Variants in ZFPM2 observed in about 807,000 individuals in gnomAD.
ZFPM2 encodes zinc finger protein, FOG family member 2, also known as zinc finger protein ZFPM2.
ZFPM2 carries 20 observed loss-of-function variants against 98.6 expected under a neutral mutation model. That is an observed-to-expected ratio of 0.20 (90% confidence interval 0.14 to 0.29). ZFPM2 has a LOEUF of 0.29. ZFPM2 is among the 10% of genes least tolerant of loss of function. The pLI is 1.00. For synonymous variants in ZFPM2, 518 were observed against 502.7 expected (o/e 1.03, Z -0.41); for missense variants, 1,310 against 1,388.6 (o/e 0.94, Z 0.90).
chr8:105,555,386 GAAGGTTGAAC>G (rs1814962750), intron 3 of ZFPM2, among the ~76,000 whole-genome samples: 1 of 151,940 alleles, frequency 6.6e-6, no homozygotes, highest in South Asian at 2.1e-4. Context: ...GCATTACATA[GAAGGTTGAAC>G]AAGTGAAATG....
chr8:105,774,896 A>AG (rs1239101705), intron 5 of ZFPM2, among the ~76,000 whole-genome samples: 1 of 151,962 alleles, frequency 6.6e-6, no homozygotes, highest in African/African-American at 2.4e-5. Flanking sequence ...TAAGTGCTTG[A>AG]GGGGGACGCG....
At chr8:105,635,334 A>G (rs1816825643) in intron 5 of ZFPM2, among the ~76,000 whole-genome samples, 1 of 152,136 alleles carries the variant, frequency 6.6e-6, no homozygotes, top group Admixed American at 6.6e-5. Context: ...ACTCTTAAAA[A>G]CTTGCTAGAA....
chr8:105,620,239 T>C (rs1044603550), intron 4 of ZFPM2, among the ~76,000 whole-genome samples: 1 of 152,180 alleles, frequency 6.6e-6, no homozygotes, highest in Non-Finnish European at 1.5e-5. Context: ...TGCTGTGAGA[T>C]GGTATCTCAT....
Position 105,802,546 on chromosome 8 carries a change from TC to T in ZFPM2, c.2466del (p.Cys823AlafsTer2). The T allele has an allele frequency of 6.2e-7, 1 of 1,611,986 alleles. No individual in the cohort carries two copies. The highest frequency in any genetic ancestry group is 8.5e-7 in the Non-Finnish European group (1 of 1,178,962). On this transcript the variant is annotated frameshift_variant, in exon 8 of 8. Transcript: ENST00000407775. LOFTEE classifies it high-confidence loss of function. ...SKCDTTHSSV[S>X]CLEMDVPIDL... ...ATGTGATACTACTCATTCCAGTGTTTCCTGCCTAGAGATGGACGTGCCCATA... is the reference window on the plus strand; with the variant it reads ...ATGTGATACTACTCATTCCAGTGTTTCTGCCTAGAGATGGACGTGCCCATA...
At chr8:105,695,036 C>A (rs1457558419) in intron 5 of ZFPM2, among the ~76,000 whole-genome samples, 1 of 152,124 alleles carries the variant, frequency 6.6e-6, no homozygotes, top group Admixed American at 6.5e-5. Context: ...TAATGAGGAA[C>A]CATCCTCAGT....
chr8:105,426,317 G>T (rs975985316), intron 2 of ZFPM2, among the ~76,000 whole-genome samples: 1 of 152,176 alleles, frequency 6.6e-6, no homozygotes, highest in South Asian at 2.1e-4. Context: ...TTACCTTGCT[G>T]GAGGAACTGT....
intron 4 of ZFPM2, among the ~76,000 whole-genome samples, chr8:105,609,252 G>A (rs1816257675): frequency 6.6e-6 from 1 of 151,984 alleles, no homozygotes; most frequent in Non-Finnish European, 1.5e-5. Flanking sequence ...GAGCATGGAG[G>A]CAAGCCAGGA....
At chr8:105,709,904 C>T (rs1469591001) in intron 5 of ZFPM2, among the ~76,000 whole-genome samples, 2 of 152,136 alleles carry the variant, frequency 1.3e-5, no homozygotes, top group Non-Finnish European at 2.9e-5. Flanking sequence ...ACCTTGGCTA[C>T]ATCTAAGCAT....
chr8:105,638,041 C>G (rs893336658), intron 5 of ZFPM2, among the ~76,000 whole-genome samples: 1 of 151,820 alleles, frequency 6.6e-6, no homozygotes, highest in African/African-American at 2.4e-5. Flanking sequence ...TCAGGAACTG[C>G]TTGATTCAGT....
chr8:105,326,446 G>A (rs540167674), intron 1 of ZFPM2, among the ~76,000 whole-genome samples: 55 of 151,648 alleles, frequency 3.6e-4, no homozygotes, highest in Non-Finnish European at 3.5e-4. Context: ...TGTAGATTGG[G>A]GAACTCTATA....
At chr8:105,618,751 CT>C (rs1816470937) in intron 4 of ZFPM2, among the ~76,000 whole-genome samples, 1 of 152,030 alleles carries the variant, frequency 6.6e-6, no homozygotes, top group South Asian at 2.1e-4. Context: ...ACTTAAGTAA[CT>C]TGCCCAAGGC....
In ZFPM2 at chr8:105,407,954, T is replaced by C. The variant is rs186490234; in HGVS notation, c.41-11190T>C. On this transcript the variant is annotated intron_variant, in intron 1 of 7. Transcript: ENST00000407775. ...TGGCGCAGAGTTTATGATACAAGTA[T>C]TGGAGTACTGCGAGCTGCCAGAGGA... is the stretch of plus-strand genomic sequence containing the variant. Among the ~76,000 whole-genome samples, 260 of 152,004 alleles carry C rather than the reference T, an allele frequency of 1.7e-3. 2 individuals are homozygous for C. Among genetic ancestry groups the C allele is most frequent in the African/African-American group, 6.1e-3 (255 of 41,506 alleles).
chr8:105,755,075 T>C (rs747491682), intron 5 of ZFPM2, among the ~76,000 whole-genome samples: 27 of 152,094 alleles, frequency 1.8e-4, no homozygotes, highest in South Asian at 2.1e-4. Flanking sequence ...CAGGAAGTTA[T>C]TTAGTTGAAT....
intron 1 of ZFPM2, among the ~76,000 whole-genome samples, chr8:105,393,843 A>G (rs1253667823): frequency 1.3e-5 from 2 of 152,100 alleles, no homozygotes; most frequent in South Asian, 4.1e-4. Context: ...ACAATTTGGG[A>G]AGTTACCAAT....
intron 5 of ZFPM2, among the ~76,000 whole-genome samples, chr8:105,638,194 G>A (rs1417751126): frequency 2.0e-5 from 3 of 151,966 alleles, no homozygotes; most frequent in African/African-American, 7.2e-5. Context: ...GCTTTTCTGG[G>A]TTTTGTGATT....
chr8:105,384,544 A>G (rs1391803133), intron 1 of ZFPM2, among the ~76,000 whole-genome samples: 1 of 152,008 alleles, frequency 6.6e-6, no homozygotes, highest in Admixed American at 6.6e-5. Context: ...AGATGGGCCT[A>G]AGGCAGACTC....
At chr8:105,711,807 T>C (rs1208507614) in intron 5 of ZFPM2, among the ~76,000 whole-genome samples, 1 of 152,046 alleles carries the variant, frequency 6.6e-6, no homozygotes, top group African/African-American at 2.4e-5. Flanking sequence ...CCTAACCACC[T>C]AAGGCCTCAT....
At chr8:105,515,911 CTTTTTTT>C (rs34183654) in intron 3 of ZFPM2, among the ~76,000 whole-genome samples, 1 of 89,278 alleles carries the variant, frequency 1.1e-5, no homozygotes, top group Non-Finnish European at 2.0e-5. Flanking sequence ...AAAACAACTT[CTTTTTTT>C]TTTTTTTTTT....
chr8:105,669,590 C>T (rs1817551681), intron 5 of ZFPM2, among the ~76,000 whole-genome samples: 1 of 150,510 alleles, frequency 6.6e-6, no homozygotes, highest in Admixed American at 6.7e-5. Flanking sequence ...TTGTAAAAAT[C>T]TGGTTGAATC....
Sources: allele counts gnomAD v4.1 joint callset (sites outside exome capture counted in the v4.1 genomes callset), GRCh38; gene constraint gnomAD v4.1.1; transcripts MANE v1.5; gene names NCBI Gene and HGNC (gene_info 2026-07-23, HGNC 2026-07-21).